SIK2: variants seen among roughly 807,000 people sequenced by gnomAD.
The protein encoded by SIK2 is serine/threonine-protein kinase SIK2.
In SIK2, 29 loss-of-function variants were observed where a neutral mutation model predicts 103.2. The ratio of observed to expected loss-of-function variants is 0.28; its 90% confidence interval spans 0.21 to 0.38. SIK2 has a LOEUF of 0.38. Among genes scored for constraint, SIK2 ranks in the 10% least tolerant of loss-of-function variants. The pLI, the probability that SIK2 is intolerant of heterozygous loss-of-function variation, is 1.00. For synonymous variants in SIK2, 412 were observed against 446.1 expected, an observed-to-expected ratio of 0.92 and a Z score of 0.96; for missense variants, 879 against 1,171.0, an observed-to-expected ratio of 0.75 and a Z score of 3.64.
chr11:111,639,131 T>G (rs1306933545), intron 3 of SIK2, among the ~76,000 whole-genome samples: 1 of 152,210 alleles, frequency 6.6e-6, no homozygotes, highest in East Asian at 1.9e-4. Flanking sequence ...GAAAGAAGTT[T>G]AAATGGTCCT....
chr11:111,691,834 C>A (rs1227905254), intron 4 of SIK2, among the ~76,000 whole-genome samples: 4 of 152,204 alleles, frequency 2.6e-5, no homozygotes, highest in Admixed American at 6.5e-5. Flanking sequence ...AAGACAAAAA[C>A]AGCAGCAGTG....
rs374009273 is a variant in SIK2, at chr11:111,723,670, G to A, written c.2322G>A (p.Leu774=). 9 of 1,613,650 alleles carry A rather than the reference G, an allele frequency of 5.6e-6. No individual in the cohort carries two copies. Among genetic ancestry groups the A allele is most frequent in the African/African-American group, 4.0e-5 (3 of 74,996 alleles). ...QAPPFSLTQP[L]SPVLEPSSEQ... Reference sequence around the variant, plus strand: ...CACCGTTCAGCCTGACCCAGCCCCTGAGCCCCGTCCTGGAGCCTTCCTCCG... The same window carrying A: ...CACCGTTCAGCCTGACCCAGCCCCTAAGCCCCGTCCTGGAGCCTTCCTCCG... Residue 774 remains leucine, a synonymous_variant, in exon 15 of 15, where the codon CTG becomes CTA. Transcript: ENST00000304987.
intron 3 of SIK2, among the ~76,000 whole-genome samples, chr11:111,668,050 A>C (rs1222316450): frequency 6.6e-6 from 1 of 152,142 alleles, no homozygotes; most frequent in Non-Finnish European, 1.5e-5. Context: ...TCTTAGTGAG[A>C]TGATACTCTG....
chr11:111,602,640 T>C lies in SIK2; in HGVS notation c.77T>C (p.Leu26Pro). ...RVGFYDIEGT[L>P]GKGNFAVVKL... is the part of the protein sequence containing the mutation. ...GGGTTCTACGACATCGAGGGCACGC[T>C]GGGCAAGGGCAACTTCGCTGTGGTG... Residue 26 changes from leucine to proline, a missense_variant, in exon 1 of 15, where the codon CTG (leucine) becomes CCG (proline). Transcript: ENST00000304987. This position sits in a 1 kb window ranked among gnomAD's most constrained non-coding sequence, Gnocchi z 4.5. 1 of 1,533,322 alleles carries C rather than the reference T, an allele frequency of 6.5e-7. No individual in the cohort carries two copies. The highest frequency in any genetic ancestry group is 8.8e-7 in the Non-Finnish European group (1 of 1,139,190). The allele number at this position is 1,533,322 out of a possible 1,614,324, so 95.0% of individuals were successfully genotyped here.
rs746827678 is a variant in SIK2 at position 111,726,973 on chromosome 11, T to C, written c.*2844T>C. On this transcript the variant is annotated 3_prime_UTR_variant, in exon 15 of 15. Transcript: ENST00000304987. ...TTTTTAAATCTGGGGTATTAGTCTG[T>C]GCTTTGGGAGAAATGCACTAGCTCT... The C allele has an allele frequency of 3.1e-6, 5 of 1,613,702 alleles. No homozygotes were observed. In the African/African-American group the frequency reaches 4.0e-5, roughly 13 times the overall value.
At chr11:111,683,994 C>G (rs916376874) in intron 3 of SIK2, among the ~76,000 whole-genome samples, 2 of 152,152 alleles carry the variant, frequency 1.3e-5, no homozygotes, top group Non-Finnish European at 2.9e-5. Flanking sequence ...ATAATAGATA[C>G]ACTGGAATGC....
chr11:111,712,393 A>T lies in SIK2; in HGVS notation c.1266+18A>T, dbSNP rs376826511. The T allele has an allele frequency of 6.2e-7, 1 of 1,608,334 alleles. No homozygotes were observed. The highest frequency in any genetic ancestry group is 8.5e-7 in the Non-Finnish European group (1 of 1,176,478). On this transcript the variant is annotated intron_variant, in intron 9 of 14. Coordinates refer to ENST00000304987, the MANE Select transcript of SIK2 (RefSeq NM_015191.3). ...CTCCAAAGGTACGGCTATGTTTGAG[A>T]GTCTCAGAACTGGCAGTTTGGCGAG...
chr11:111,723,603 C>G lies in SIK2; in HGVS notation c.2255C>G (p.Pro752Arg). 6.2e-7 allele frequency: 1 copy of G among 1,614,192 alleles called. No individual in the cohort carries two copies. The highest frequency in any genetic ancestry group is 8.5e-7 in the Non-Finnish European group (1 of 1,180,036). The change falls in exon 15 of 15, where the codon CCC becomes CGC. Residue 752 changes from proline to arginine, a missense_variant. Physicochemically the swap from Pro to Arg is moderately radical, Grantham distance 103 (BLOSUM62 -2). Around this residue, in one of 7 missense-constraint regions of SIK2, gnomAD observed 375 missense variants for 416.3 expected, o/e 0.90. Coordinates refer to ENST00000304987, the MANE Select transcript of SIK2 (RefSeq NM_015191.3). ...TACCCACAGCCAAGTCAGCAGCTGC[C>G]CCTTCCCCGCCAGGAGACTCCACCG... ...SSYPQPSQQL[P>R]LPRQETPPPS...
chr11:111,634,573 T>C (rs1009494900), intron 3 of SIK2, among the ~76,000 whole-genome samples: 5 of 152,216 alleles, frequency 3.3e-5, no homozygotes, highest in African/African-American at 1.2e-4. Context: ...CTCACTTGAA[T>C]CACTTCAACA....
rs530256311 is a variant in SIK2 at position 111,674,815 on chromosome 11, C to T, written c.317-13186C>T. Among the ~76,000 whole-genome samples, 5 of 151,728 alleles carry T rather than the reference C, an allele frequency of 3.3e-5. No individual in the cohort carries two copies. In the South Asian group the frequency reaches 1.0e-3, roughly 32 times the overall value. ...AGGCTGGAATGCAGTGGTGCAGTCTCGGCTCACTGCAACCTCCACCTCCCA... is the reference window on the plus strand; with the variant it reads ...AGGCTGGAATGCAGTGGTGCAGTCTTGGCTCACTGCAACCTCCACCTCCCA... On this transcript the variant is annotated intron_variant, in intron 3 of 14. Coordinates refer to ENST00000304987, the MANE Select transcript of SIK2 (RefSeq NM_015191.3).
chr11:111,718,603 CCTT>C (rs1315327577), intron 9 of SIK2: 3 of 152,250 alleles, frequency 2.0e-5, no homozygotes, highest in Admixed American at 1.3e-4. Context: ...ACCCTAGTCT[CCTT>C]CTCCAAATAA....
Position 111,602,659 on chromosome 11 carries a change from T to C in SIK2, c.96T>C (p.Ala32=), listed in dbSNP as rs1351866801. 2.6e-6 allele frequency: 4 copies of C among 1,530,602 alleles called. No individual in the cohort carries two copies. The highest frequency in any genetic ancestry group is 3.5e-6 in the Non-Finnish European group (4 of 1,137,738). The allele number at this position is 1,530,602 out of a possible 1,614,324, so 94.8% of individuals were successfully genotyped here. The change falls in exon 1 of 15, where the codon GCT becomes GCC. Residue 32 remains alanine, a synonymous_variant. Transcript: ENST00000304987. This position sits in a 1 kb window ranked among gnomAD's most constrained non-coding sequence, Gnocchi z 4.5. ...GCACGCTGGGCAAGGGCAACTTCGC[T>C]GTGGTGAAGCTGGGGCGGCACCGGA... The part of the protein sequence containing the change: ...IEGTLGKGNF[A]VVKLGRHRIT...
intron 7 of SIK2, 108 bp downstream of exon 7, chr11:111,703,531 G>C: frequency 1.1e-6 from 1 of 880,990 alleles, no homozygotes. Context: ...GCGCCTAGGC[G>C]TACTGTTCAG....
At chr11:111,662,081 T>C (rs1401751694) in intron 3 of SIK2, among the ~76,000 whole-genome samples, 1 of 152,178 alleles carries the variant, frequency 6.6e-6, no homozygotes, top group Non-Finnish European at 1.5e-5. Context: ...TGGGAACTGC[T>C]AAGGTCAGAG....
At chr11:111,653,090 G>T (rs531083778) in intron 3 of SIK2, among the ~76,000 whole-genome samples, 2 of 152,100 alleles carry the variant, frequency 1.3e-5, no homozygotes, top group Non-Finnish European at 2.9e-5. Flanking sequence ...TCTTACGGAC[G>T]CTAAAGTGTG....
chr11:111,711,107 TTC>T (rs756453465), intron 8 of SIK2, among the ~76,000 whole-genome samples: 13 of 151,998 alleles, frequency 8.6e-5, no homozygotes, highest in Non-Finnish European at 1.6e-4. Context: ...TAAGGAAAAA[TTC>T]TCTTTTAAAT....
intron 1 of SIK2, among the ~76,000 whole-genome samples, chr11:111,615,288 TAA>T (rs372263613): frequency 5.0e-4 from 67 of 134,262 alleles, no homozygotes; most frequent in Admixed American, 5.2e-4. Context: ...CCATCTGCAT[TAA>T]AAAAAAAAAA....
chr11:111,649,904 C>T (rs1426372661), intron 3 of SIK2, among the ~76,000 whole-genome samples: 1 of 152,036 alleles, frequency 6.6e-6, no homozygotes, highest in Non-Finnish European at 1.5e-5. Flanking sequence ...TAGGAGCTCT[C>T]ATAAGTATTT....
intron 3 of SIK2, among the ~76,000 whole-genome samples, chr11:111,670,666 A>G (rs1942613009): frequency 6.6e-6 from 1 of 152,248 alleles, no homozygotes; most frequent in Non-Finnish European, 1.5e-5. Context: ...TTCTAACAGG[A>G]CTAAGTATAC....
Sources: gnomAD v4.1 joint callset for allele counts (sites outside exome capture counted in the v4.1 genomes callset) on GRCh38, gnomAD v4.1.1 for gene constraint, gnomAD v4.1.1 regional missense constraint, Gnocchi (gnomAD v3.1) non-coding constraint, MANE v1.5 for transcripts, NCBI Gene and HGNC (gene_info 2026-07-23, HGNC 2026-07-21) for gene names.